VPS13A: variants seen among roughly 807,000 people sequenced by gnomAD.
The protein encoded by VPS13A is vacuolar protein sorting 13 homolog A, also known as intermembrane lipid transfer protein VPS13A.
A neutral mutation model predicts 390.9 loss-of-function variants in VPS13A; 264 were observed. That is an observed-to-expected ratio of 0.68 (90% confidence interval 0.61 to 0.75). The LOEUF (loss-of-function observed/expected upper bound fraction) is 0.75. Ranked by LOEUF, VPS13A falls within the 30% of genes least tolerant of loss-of-function variation. The pLI is 0.00. For synonymous variants in VPS13A, 1,231 were observed against 1,227.1 expected, an observed-to-expected ratio of 1.00 and a Z score of -0.07; for missense variants, 3,409 against 3,733.9, an observed-to-expected ratio of 0.91 and a Z score of 2.27.
chr9:77,272,077 A>G (rs1826383148), intron 23 of VPS13A, among the ~76,000 whole-genome samples: 1 of 152,178 alleles, frequency 6.6e-6, no homozygotes, highest in Non-Finnish European at 1.5e-5. Flanking sequence ...TGCTTCCAAA[A>G]TGAGCAGAAT....
chr9:77,413,762 G>A (rs889947279), intron 71 of VPS13A, among the ~76,000 whole-genome samples: 5 of 149,578 alleles, frequency 3.3e-5, no homozygotes, highest in East Asian at 3.8e-4. Context: ...AAACTAAAGA[G>A]AGCTTCTGCA....
chr9:77,334,114 A>G (rs957915743), intron 46 of VPS13A, among the ~76,000 whole-genome samples: 44 of 152,318 alleles, frequency 2.9e-4, no homozygotes, highest in African/African-American at 8.7e-4. Context: ...TTAGAAGGAA[A>G]AGGCTATCTA....
chr9:77,257,408 A>C (rs1825510283), intron 22 of VPS13A, among the ~76,000 whole-genome samples: 1 of 151,778 alleles, frequency 6.6e-6, no homozygotes, highest in Non-Finnish European at 1.5e-5. Context: ...CTAATTTTTA[A>C]ATTTTTTTGT....
intron 52 of VPS13A, among the ~76,000 whole-genome samples, chr9:77,349,410 T>A (rs1405261715): frequency 1.3e-5 from 2 of 152,132 alleles, no homozygotes; most frequent in Non-Finnish European, 2.9e-5. Flanking sequence ...ACCCAGGTAA[T>A]AAGCATGATA....
chr9:77,194,085 G>A (rs1362609824), intron 1 of VPS13A, among the ~76,000 whole-genome samples: 1 of 152,126 alleles, frequency 6.6e-6, no homozygotes, highest in Non-Finnish European at 1.5e-5. Flanking sequence ...TGGTTGGGGT[G>A]GTGACAGTAG....
At chr9:77,352,184 A>G (rs1484398966) in intron 53 of VPS13A, among the ~76,000 whole-genome samples, 1 of 152,248 alleles carries the variant, frequency 6.6e-6, no homozygotes, top group East Asian at 1.9e-4. Context: ...CACTGAGTGA[A>G]CTAAAACAAA....
chr9:77,411,201 CGAAAT>C (rs1190317098), intron 71 of VPS13A, among the ~76,000 whole-genome samples: 7 of 152,110 alleles, frequency 4.6e-5, no homozygotes, highest in African/African-American at 1.7e-4. Flanking sequence ...GGGTACATAA[CGAAAT>C]GAAGGCAGAA....
intron 52 of VPS13A, among the ~76,000 whole-genome samples, chr9:77,346,057 T>C (rs1831133483): frequency 1.3e-5 from 2 of 152,220 alleles, no homozygotes; most frequent in South Asian, 2.1e-4. Flanking sequence ...CTGGATCAAA[T>C]GATAGTTCTG....
At position 77,375,452 on chromosome 9, in the gene VPS13A, T is replaced by C. The variant is rs142978808; in HGVS notation, c.9077+4303T>C. The stretch of plus-strand genomic sequence containing the variant: ...ATGATTGGCATTAAATATTGTCCTA[T>C]TTGTAAAGAGGATGTATTTACTAAT... On this transcript the variant is annotated intron_variant, in intron 67 of 71. Transcript: ENST00000360280. 5.7e-3 allele frequency among the ~76,000 whole-genome samples: 874 copies of C among 152,280 alleles called. 12 individuals are homozygous for C. The highest frequency in any genetic ancestry group is 0.02 in the African/African-American group (843 of 41,578).
At position 77,226,066 on chromosome 9, in the gene VPS13A, A is replaced by G. The variant is rs549484142; in HGVS notation, c.1224+78A>G. 20 of 1,301,482 alleles carry G rather than the reference A, an allele frequency of 1.5e-5. No individual in the cohort carries two copies. In the South Asian group the frequency reaches 2.6e-4, roughly 17 times the overall value. 80.6% of individuals were successfully genotyped at this position (1,301,482 alleles called of 1,614,324 possible). A position where few individuals can be genotyped will look rare whatever the true frequency, so the allele number is the denominator to read the frequency against. On this transcript the variant is annotated intron_variant, in intron 14 of 71. Coordinates refer to ENST00000360280, the MANE Select transcript of VPS13A (RefSeq NM_033305.3). The stretch of plus-strand genomic sequence containing the variant: ...TGACAGATGTGATATTATTAATCTT[A>G]TACTGTAACATATTGTTTCCAAAAA...
At chr9:77,365,657 A>G (rs188565665) in intron 60 of VPS13A, 84 bp downstream of exon 60, 11 of 807,548 alleles carry the variant, frequency 1.4e-5, no homozygotes, top group Non-Finnish European at 2.1e-5. Flanking sequence ...CTTCAGTAAT[A>G]TATAAAATCT....
chr9:77,233,808 G>C (rs1352071144), intron 17 of VPS13A, among the ~76,000 whole-genome samples: 6 of 152,036 alleles, frequency 3.9e-5, no homozygotes, highest in Non-Finnish European at 8.8e-5. Flanking sequence ...CCTAACATTT[G>C]GTCTATCCTG....
At chr9:77,374,172 T>C (rs1345317393) in intron 67 of VPS13A, among the ~76,000 whole-genome samples, 2 of 152,172 alleles carry the variant, frequency 1.3e-5, no homozygotes, top group East Asian at 3.9e-4. Context: ...TAGTAGTCCC[T>C]CTTGATCTGC....
rs186455295 is a variant in VPS13A, at chr9:77,189,920, T to C, written c.101-10025T>C. Among the ~76,000 whole-genome samples, 32 of 152,284 alleles carry C rather than the reference T, an allele frequency of 2.1e-4. No individual in the cohort carries two copies. The East Asian group carries it at 6.0e-3, about 29-fold the overall frequency. On this transcript the variant is annotated intron_variant, in intron 1 of 71. Coordinates refer to ENST00000360280, the MANE Select transcript of VPS13A (RefSeq NM_033305.3). ...TCTCAGCTTGGATGTTATTGGTATA[T>C]AGAAATACTACTGATTTTTGTACAT...
intron 26 of VPS13A, among the ~76,000 whole-genome samples, chr9:77,276,792 C>T (rs1040294177): frequency 1.3e-5 from 2 of 152,232 alleles, no homozygotes; most frequent in Non-Finnish European, 2.9e-5. Context: ...CACAATAAGG[C>T]ATCAGATCCT....
chr9:77,348,415 G>C (rs1831279251), intron 52 of VPS13A, among the ~76,000 whole-genome samples: 1 of 152,164 alleles, frequency 6.6e-6, no homozygotes, highest in South Asian at 2.1e-4. Flanking sequence ...GCTGAACAAT[G>C]AGAACACATG....
At chr9:77,178,065 C>G (rs1386706739) in intron 1 of VPS13A, 4 of 413,228 alleles carry the variant, frequency 9.7e-6, no homozygotes, top group Admixed American at 7.5e-5. Flanking sequence ...GCGGAGCGGA[C>G]TTGCCGTGGG....
At chr9:77,363,251 T>C (rs1322696653) in intron 59 of VPS13A, among the ~76,000 whole-genome samples, 1 of 152,116 alleles carries the variant, frequency 6.6e-6, no homozygotes, top group African/African-American at 2.4e-5. Context: ...GACATCCTTT[T>C]TCAGGTTGAG....
rs1047243655 is a variant in VPS13A, at chr9:77,396,432, T to G, written c.9190-6804T>G. 8.5e-5 allele frequency among the ~76,000 whole-genome samples: 13 copies of G among 152,326 alleles called. 1 individual carries two copies. The highest frequency in any genetic ancestry group is 8.5e-4 in the Admixed American group (13 of 15,290). On this transcript the variant is annotated intron_variant, in intron 68 of 71. Transcript: ENST00000360280. ...AATAAGTGCTGGTTGCTCTTCAGATTTGACCATATAGTCAGTAAGATTTTA... is the reference window on the plus strand; with the variant it reads ...AATAAGTGCTGGTTGCTCTTCAGATGTGACCATATAGTCAGTAAGATTTTA...
Sources: allele counts gnomAD v4.1 joint callset (sites outside exome capture counted in the v4.1 genomes callset), GRCh38; gene constraint gnomAD v4.1.1; transcripts MANE v1.5; gene names NCBI Gene and HGNC (gene_info 2026-07-23, HGNC 2026-07-21).